MND1: variants seen among roughly 807,000 people sequenced by gnomAD.
MND1 encodes the protein meiotic nuclear divisions 1.
Under a neutral mutation model 35.1 loss-of-function variants are expected in MND1, and 28 were observed. That is an observed-to-expected ratio of 0.80 (90% CI 0.59 to 1.09). The LOEUF is 1.09. Ranked by LOEUF, MND1 falls within the 50% of genes least tolerant of loss-of-function variation. MND1 has a pLI of 0.00. For synonymous variants in MND1, 69 were observed against 70.5 expected, an observed-to-expected ratio of 0.98 and a Z score of 0.11; for missense variants, 213 against 239.6, an observed-to-expected ratio of 0.89 and a Z score of 0.73.
At chr4:153,413,655 C>G (rs1349414281) in intron 7 of MND1, among the ~76,000 whole-genome samples, 1 of 151,072 alleles carries the variant, frequency 6.6e-6, no homozygotes, top group East Asian at 1.9e-4. Context: ...GCCCTCCAGC[C>G]TGGGAGACAA....
intron 7 of MND1, among the ~76,000 whole-genome samples, chr4:153,413,418 A>G (rs1381121920): frequency 1.3e-5 from 2 of 152,146 alleles, no homozygotes; most frequent in African/African-American, 4.8e-5. Context: ...GGTGGCTCAC[A>G]CTTGTAATCC....
At chr4:153,407,375 A>G (rs1431609623) in intron 6 of MND1, among the ~76,000 whole-genome samples, 1 of 152,148 alleles carries the variant, frequency 6.6e-6, no homozygotes, top group Non-Finnish European at 1.5e-5. Flanking sequence ...AGGCAGGAGA[A>G]TTGCTTGAAC....
intron 3 of MND1, 101 bp downstream of exon 3, chr4:153,355,812 C>T: frequency 1.3e-6 from 1 of 773,200 alleles, no homozygotes; most frequent in Non-Finnish European, 2.2e-6. Context: ...AACAGTCTTT[C>T]ACTTTATGGA....
chr4:153,407,463 A>C (rs1023217218), intron 6 of MND1, among the ~76,000 whole-genome samples: 39 of 151,928 alleles, frequency 2.6e-4, no homozygotes, highest in African/African-American at 9.2e-4. Context: ...CTCCATCTCA[A>C]AAAAAAATAG....
chr4:153,414,846 T>C lies in MND1; in HGVS notation c.607T>C (p.Tyr203His). The C allele has an allele frequency of 7.0e-7, 1 of 1,420,708 alleles. No individual in the cohort carries two copies. The highest frequency in any genetic ancestry group is 9.7e-7 in the Non-Finnish European group (1 of 1,033,804). The allele number at this position is 1,420,708 out of a possible 1,614,324, so 88.0% of individuals were successfully genotyped here. Residue 203 changes from tyrosine to histidine, a missense_variant, in exon 8 of 8, where the codon TAC becomes CAC. Tyr to His is a moderately conservative substitution (Grantham distance 83, BLOSUM62 2). Transcript: ENST00000240488. ...RTFGIPEDFD[Y>H]ID ...TTTTGGAATTCCAGAAGACTTTGAC[T>C]ACATAGACTAAAATATTCCATGGTG...
rs372534710 is a variant in MND1 at position 153,370,253 on chromosome 4, G to C, written c.276+11631G>C. Among the ~76,000 whole-genome samples the C allele has an allele frequency of 2.6e-5, 4 of 152,140 alleles. No individual in the cohort carries two copies. In the East Asian group the frequency reaches 7.7e-4, roughly 29 times the overall value. ...GCTGAGATCACACCACTGCGCTCCA[G>C]CCTGGGTAACACAGCCGGACTCCAT... On this transcript the variant is annotated intron_variant, in intron 4 of 7. Coordinates refer to ENST00000240488, the MANE Select transcript of MND1 (RefSeq NM_032117.4).
chr4:153,399,110 C>T (rs1009902381), intron 6 of MND1, among the ~76,000 whole-genome samples: 1 of 152,166 alleles, frequency 6.6e-6, no homozygotes, highest in African/African-American at 2.4e-5. Context: ...ATAACCAAAT[C>T]GGACCCTTCA....
chr4:153,382,754 A>G (rs1012531885), intron 4 of MND1, among the ~76,000 whole-genome samples: 7 of 152,222 alleles, frequency 4.6e-5, no homozygotes, highest in Middle Eastern at 3.2e-3. Flanking sequence ...CTTCTAATAA[A>G]CAAAATTAAA....
chr4:153,362,663 G>A (rs542505070), intron 4 of MND1, among the ~76,000 whole-genome samples: 1 of 152,198 alleles, frequency 6.6e-6, no homozygotes, highest in East Asian at 1.9e-4. Context: ...TCAAATTTGG[G>A]GAGGGCTATT....
intron 4 of MND1, among the ~76,000 whole-genome samples, chr4:153,384,313 C>T (rs1441259916): frequency 3.8e-5 from 5 of 132,686 alleles, no homozygotes; most frequent in African/African-American, 1.4e-4. Context: ...CTCTGTTGCA[C>T]AGGCTGGAGT....
intron 7 of MND1, among the ~76,000 whole-genome samples, chr4:153,412,990 A>G (rs1729730834): frequency 6.6e-6 from 1 of 152,034 alleles, no homozygotes; most frequent in African/African-American, 2.4e-5. Flanking sequence ...TATTGTTAGT[A>G]GAGACAGGAT....
intron 4 of MND1, among the ~76,000 whole-genome samples, chr4:153,379,425 G>A (rs1164636386): frequency 6.6e-6 from 1 of 151,832 alleles, no homozygotes. Context: ...ATTCTAAAAG[G>A]CCAGGAACAG....
intron 4 of MND1, among the ~76,000 whole-genome samples, chr4:153,366,002 C>T (rs549960905): frequency 6.6e-6 from 1 of 152,288 alleles, no homozygotes; most frequent in African/African-American, 2.4e-5. Context: ...AGTTAAAAAT[C>T]AGTGTTACTA....
intron 4 of MND1, among the ~76,000 whole-genome samples, 164 bp from the exon 5 acceptor site, chr4:153,394,098 G>A (rs1345503758): frequency 4.6e-5 from 7 of 151,722 alleles, no homozygotes; most frequent in Admixed American, 1.3e-4. Context: ...AGGTTTCACC[G>A]TGTTGGCCAG....
chr4:153,379,006 G>A (rs1728586522), intron 4 of MND1, among the ~76,000 whole-genome samples: 2 of 151,958 alleles, frequency 1.3e-5, no homozygotes. Context: ...CCACAAAAGC[G>A]GGCTGCGCGC....
At chr4:153,408,482 G>A (rs1729582795) in intron 6 of MND1, among the ~76,000 whole-genome samples, 1 of 147,420 alleles carries the variant, frequency 6.8e-6, no homozygotes, top group African/African-American at 2.6e-5. Context: ...TGTATTTAAA[G>A]TAAAAGTAAA....
intron 4 of MND1, among the ~76,000 whole-genome samples, chr4:153,375,251 A>AT (rs1343504498): frequency 1.3e-5 from 2 of 152,284 alleles, no homozygotes; most frequent in East Asian, 3.9e-4. Flanking sequence ...AACAGAAGGA[A>AT]TATTTATTGA....
chr4:153,394,255 TC>T lies in MND1; in HGVS notation c.277-6del, dbSNP rs752717788. The stretch of plus-strand genomic sequence containing the variant: ...GCAAGCTGTTTTATTTGTTTTTGAT[TC>T]TCTAGTTGTCTGAGGGAAGTCAAAA... On this transcript the variant is annotated splice_polypyrimidine_tract_variant and splice_region_variant and intron_variant, in intron 4 of 7. Transcript: ENST00000240488. 5 of 1,611,034 alleles carry T rather than the reference TC, an allele frequency of 3.1e-6. No homozygotes were observed. The highest frequency in any genetic ancestry group is 1.1e-5 in the South Asian group (1 of 90,862).
intron 4 of MND1, among the ~76,000 whole-genome samples, chr4:153,368,034 T>C (rs573364060): frequency 6.6e-6 from 1 of 152,334 alleles, no homozygotes; most frequent in African/African-American, 2.4e-5. Context: ...TTAAACGTGA[T>C]GCTGTATTTT....
Sources: allele counts gnomAD v4.1 joint callset (sites outside exome capture counted in the v4.1 genomes callset), GRCh38; gene constraint gnomAD v4.1.1; transcripts MANE v1.5; gene names NCBI Gene and HGNC (gene_info 2026-07-23, HGNC 2026-07-21).